The following SLC3A2 variants were observed in gnomAD, a reference collection of about 807,000 sequenced individuals.
The protein encoded by SLC3A2 is amino acid transporter heavy chain SLC3A2.
A neutral mutation model predicts 48.5 loss-of-function variants in SLC3A2; 32 were observed. The ratio of observed to expected loss-of-function variants is 0.66; its 90% confidence interval spans 0.50 to 0.89. The LOEUF (loss-of-function observed/expected upper bound fraction) is 0.89, where lower values mean the gene tolerates loss of function less well. Ranked by LOEUF, SLC3A2 falls within the 40% of genes least tolerant of loss-of-function variation. SLC3A2 has a pLI of 0.00. For synonymous variants in SLC3A2, 277 were observed against 288.8 expected (o/e 0.96, Z 0.41); for missense variants, 587 against 680.7 (o/e 0.86, Z 1.53).
chr11:62,871,525 C>T, intron 1 of SLC3A2: 1 of 576,392 alleles, frequency 1.7e-6, no homozygotes, highest in Non-Finnish European at 3.1e-6. Flanking sequence ...CAGGCGTGAG[C>T]CACTGTGCCC....
At chr11:62,856,236 A>C (rs1479638361) in exon 1 of SLC3A2, 2 of 1,563,276 alleles carry the variant, frequency 1.3e-6, no homozygotes, top group Non-Finnish European at 1.8e-6. Context: ...CCCCTTGCCC[A>C]CACACCCCAA....
chr11:62,856,135 G>A, upstream of SLC3A2: 1 of 663,638 alleles, frequency 1.5e-6, no homozygotes, highest in Non-Finnish European at 2.5e-6. Flanking sequence ...TTCTCACCCA[G>A]TGCATGTGGC....
At chr11:62,883,851 G>A in intron 3 of SLC3A2, 1 of 388,846 alleles carries the variant, frequency 2.6e-6, no homozygotes, top group Non-Finnish European at 5.1e-6. Context: ...GTTCCACAGT[G>A]TGTGCAGGAC....
Position 62,885,355 on chromosome 11 carries a change from AGT to A in SLC3A2, c.999+2_999+3del. 6.2e-7 allele frequency: 1 copy of A among 1,614,138 alleles called. No homozygotes were observed. Among genetic ancestry groups the A allele is most frequent in the Non-Finnish European group, 8.5e-7 (1 of 1,180,006 alleles). Reference protein sequence around the residue: ...NATGNRWCSWSLSQARLLTSF... With the variant: ...NATGNRWCSWXLSQARLLTSF... ...CACTGGCAATCGCTGGTGCAGCTGG[AGT>A]GTGAGTACCATGCTGGTGGGAAAGG... On this transcript the variant is annotated frameshift_variant and splice_region_variant, in exon 6 of 9. Transcript: ENST00000338663. LOFTEE classifies it high-confidence loss of function.
chr11:62,881,065 GA>G lies in SLC3A2; in HGVS notation c.44del (p.Asn15MetfsTer3), dbSNP rs768529014. The G allele has an allele frequency of 6.2e-7, 1 of 1,602,284 alleles. No homozygotes were observed. The highest frequency in any genetic ancestry group is 2.2e-5 in the East Asian group (1 of 44,662). On this transcript the variant is annotated frameshift_variant, in exon 1 of 9. Transcript: ENST00000338663. LOFTEE classifies it high-confidence loss of function. This position sits in a 1 kb window ranked among gnomAD's most constrained non-coding sequence, Gnocchi z 4.0. The part of the protein sequence containing the change: ...TEVDMKEVEL[N>X]ELEPEKQPMN... Reference sequence around the variant, plus strand: ...AGGTGGATATGAAGGAGGTGGAGCTGAATGAGTTAGAGCCCGAGAAGCAGCC... The same window carrying G: ...AGGTGGATATGAAGGAGGTGGAGCTGATGAGTTAGAGCCCGAGAAGCAGCC...
In SLC3A2 at chr11:62,885,277, T is replaced by A; in HGVS notation, c.919T>A (p.Ser307Thr). The change falls in exon 6 of 9, where the codon TCT (serine) becomes ACT (threonine). Residue 307 changes from serine to threonine, a missense_variant. Coordinates refer to ENST00000338663, the MANE Select transcript of SLC3A2 (RefSeq NM_001013251.3). ...GTTGACTAGCTCATACCTGTCTGAT[T>A]CTGGTTCTACTGGGGAGCATACAAA... ...LLLTSSYLSDSGSTGEHTKSL... is the reference protein window; with the variant it reads ...LLLTSSYLSDTGSTGEHTKSL... The A allele has an allele frequency of 6.2e-7, 1 of 1,614,228 alleles. No homozygotes were observed. Among genetic ancestry groups the A allele is most frequent in the Non-Finnish European group, 8.5e-7 (1 of 1,180,040 alleles).
intron 8 of SLC3A2, 31 bp downstream of exon 8, chr11:62,888,249 G>A (rs746118847): frequency 3.0e-5 from 48 of 1,610,804 alleles, no homozygotes; most frequent in Admixed American, 3.3e-5. Context: ...GAAACTGACC[G>A]GTGGAGGGTG....
chr11:62,874,448 A>G (rs898179788), intron 1 of SLC3A2, among the ~76,000 whole-genome samples: 1 of 152,148 alleles, frequency 6.6e-6, no homozygotes, highest in African/African-American at 2.4e-5. Flanking sequence ...ACTTACTTGA[A>G]TACTGGATAC....
intron 1 of SLC3A2, among the ~76,000 whole-genome samples, chr11:62,857,299 G>A (rs11231252): frequency 0.09 from 13,595 of 151,610 alleles, 773 homozygotes; most frequent in African/African-American, 0.16. Flanking sequence ...TAATTTTTGT[G>A]TTTTTCGGAG....
intron 1 of SLC3A2, among the ~76,000 whole-genome samples, chr11:62,864,097 C>G (rs1299280453): frequency 6.6e-6 from 1 of 152,114 alleles, no homozygotes; most frequent in Non-Finnish European, 1.5e-5. Context: ...AGACACCACA[C>G]CCGTGCATTC....
chr11:62,874,928 A>C (rs1475049912), intron 1 of SLC3A2, among the ~76,000 whole-genome samples: 1 of 151,920 alleles, frequency 6.6e-6, no homozygotes, highest in East Asian at 1.9e-4. Context: ...GTGTGCGACT[A>C]ATTTTTGTAT....
At chr11:62,862,047 G>T (rs573709392) in intron 1 of SLC3A2, among the ~76,000 whole-genome samples, 1 of 151,620 alleles carries the variant, frequency 6.6e-6, no homozygotes, top group East Asian at 1.9e-4. Flanking sequence ...GGCCAGGCGC[G>T]GTGGCTTACC....
intron 3 of SLC3A2, chr11:62,883,494 T>C (rs2085669143): frequency 5.4e-6 from 1 of 184,650 alleles, no homozygotes; most frequent in African/African-American, 2.4e-5. Flanking sequence ...GGTTCAAATG[T>C]GTACCCAGCA....
intron 3 of SLC3A2, chr11:62,883,772 A>G: frequency 9.8e-6 from 3 of 306,204 alleles, no homozygotes; most frequent in South Asian, 5.7e-5. Context: ...GTACCCTCAG[A>G]TGGAAATGGA....
intron 1 of SLC3A2, among the ~76,000 whole-genome samples, chr11:62,862,838 G>A (rs1232486260): frequency 6.6e-6 from 1 of 152,156 alleles, no homozygotes; most frequent in African/African-American, 2.4e-5. Context: ...GGCAGCAAGA[G>A]GCACTGCCTC....
In SLC3A2 at chr11:62,888,126, G is replaced by C. The variant is rs377295090; in HGVS notation, c.1144-9G>C. 6.2e-7 allele frequency: 1 copy of C among 1,612,280 alleles called. No homozygotes were observed. The highest frequency in any genetic ancestry group is 8.5e-7 in the Non-Finnish European group (1 of 1,179,114). On this transcript the variant is annotated splice_polypyrimidine_tract_variant and intron_variant, in intron 7 of 8. Transcript: ENST00000338663. ...GCCTTTTTAAAGTCCTATTTTCTCT[G>C]CTTTTCAGCCTATGGAGGCTCCAGT...
intron 1 of SLC3A2, among the ~76,000 whole-genome samples, chr11:62,868,812 C>G (rs961922704): frequency 6.6e-6 from 1 of 152,138 alleles, no homozygotes; most frequent in African/African-American, 2.4e-5. Flanking sequence ...ACATGAAATT[C>G]TATTTTCTTG....
intron 1 of SLC3A2, among the ~76,000 whole-genome samples, chr11:62,858,338 A>T (rs951140849): frequency 6.6e-6 from 1 of 152,174 alleles, no homozygotes; most frequent in African/African-American, 2.4e-5. Context: ...TTGCGACAAT[A>T]TTGTCTCTGT....
At chr11:62,860,746 C>T (rs1478813160) in intron 1 of SLC3A2, among the ~76,000 whole-genome samples, 2 of 152,168 alleles carry the variant, frequency 1.3e-5, no homozygotes, top group Non-Finnish European at 2.9e-5. Context: ...AAACCTTGGA[C>T]GATACCCAGG....
Sources: allele counts gnomAD v4.1 joint callset (sites outside exome capture counted in the v4.1 genomes callset), GRCh38; gene constraint gnomAD v4.1.1; non-coding constraint Gnocchi (gnomAD v3.1); transcripts MANE v1.5; gene names NCBI Gene and HGNC (gene_info 2026-07-23, HGNC 2026-07-21).